The following SYT10 variants were observed in gnomAD, a reference collection of about 807,000 sequenced individuals.
SYT10 encodes the protein synaptotagmin-10.
In SYT10, 31 loss-of-function variants were observed where a neutral mutation model predicts 51.1. The observed-to-expected ratio is 0.61, with a 90% CI of 0.46 to 0.82. SYT10 has a LOEUF of 0.82. Among genes scored for constraint, SYT10 ranks in the 40% least tolerant of loss-of-function variants. SYT10 has a pLI of 0.00. For missense variants in SYT10, 603 were observed against 634.0 expected (o/e 0.95, Z 0.53); for synonymous variants, 233 against 225.9 (o/e 1.03, Z -0.28).
chr12:33,421,875 C>A (rs1257251799), intron 2 of SYT10, among the ~76,000 whole-genome samples: 3 of 151,910 alleles, frequency 2.0e-5, no homozygotes, highest in African/African-American at 7.3e-5. Context: ...TTATTCCACA[C>A]AAGGAAAGCA....
At chr12:33,388,364 T>C (rs1355338959) in intron 3 of SYT10, among the ~76,000 whole-genome samples, 2 of 152,164 alleles carry the variant, frequency 1.3e-5, no homozygotes, top group South Asian at 2.1e-4. Context: ...CCAAAATGCT[T>C]AAAATGTTTA....
At chr12:33,421,533 C>G (rs1203560403) in intron 2 of SYT10, among the ~76,000 whole-genome samples, 1 of 152,116 alleles carries the variant, frequency 6.6e-6, no homozygotes, top group East Asian at 1.9e-4. Flanking sequence ...TATCTCACCA[C>G]TCATCATCTC....
intron 3 of SYT10, among the ~76,000 whole-genome samples, chr12:33,389,018 G>A (rs1866181370): frequency 1.3e-5 from 2 of 152,202 alleles, no homozygotes; most frequent in Non-Finnish European, 2.9e-5. Context: ...AGTATTCCTG[G>A]AGGAAAGTAA....
chr12:33,391,389 G>GA (rs1478624145), intron 3 of SYT10, among the ~76,000 whole-genome samples: 2 of 152,130 alleles, frequency 1.3e-5, no homozygotes, highest in East Asian at 3.8e-4. Flanking sequence ...TGTAAATGAT[G>GA]AAAAATGAGT....
At chr12:33,426,869 A>G (rs947995319) in intron 1 of SYT10, among the ~76,000 whole-genome samples, 1 of 152,218 alleles carries the variant, frequency 6.6e-6, no homozygotes, top group African/African-American at 2.4e-5. Context: ...TGTTTGCTTC[A>G]TCTTTGATCT....
chr12:33,398,319 C>T (rs1281736726), intron 3 of SYT10, among the ~76,000 whole-genome samples: 4 of 152,052 alleles, frequency 2.6e-5, no homozygotes, highest in African/African-American at 9.7e-5. Context: ...CGAGACCATC[C>T]TGGCTAACAC....
intron 1 of SYT10, 64 bp from the exon 2 acceptor site, chr12:33,426,559 GA>G: frequency 7.7e-7 from 1 of 1,302,472 alleles, no homozygotes; most frequent in Non-Finnish European, 1.0e-6. Context: ...GAAATGGAAA[GA>G]ATATTTTACA....
intron 3 of SYT10, among the ~76,000 whole-genome samples, chr12:33,397,442 G>A (rs779548712): frequency 3.3e-5 from 5 of 152,194 alleles, no homozygotes; most frequent in Non-Finnish European, 7.3e-5. Flanking sequence ...CTCAGATGAA[G>A]GGCATAGACA....
intron 5 of SYT10, 52 bp from the exon 6 acceptor site, chr12:33,380,013 G>A: frequency 6.6e-7 from 1 of 1,521,540 alleles, no homozygotes; most frequent in Admixed American, 2.0e-5. Flanking sequence ...AAGATAAAGG[G>A]GGTTTCACAA....
chr12:33,397,271 A>G (rs1246834512), intron 3 of SYT10, among the ~76,000 whole-genome samples: 1 of 152,126 alleles, frequency 6.6e-6, no homozygotes, highest in East Asian at 1.9e-4. Flanking sequence ...CTATTCACAG[A>G]GATGTGAGCT....
intron 1 of SYT10, among the ~76,000 whole-genome samples, chr12:33,431,385 C>T (rs1280960559): frequency 1.7e-4 from 26 of 152,144 alleles, no homozygotes; most frequent in Non-Finnish European, 2.9e-5. Context: ...TACTGGGAAG[C>T]AACTAGTAGT....
At position 33,426,304 on chromosome 12, in the gene SYT10, C is replaced by A. The variant is rs376740096; in HGVS notation, c.343G>T (p.Glu115Ter). ...GCTGGCTTTTCATTTTCCTTAATTT[C>A]TTTTTTCTCTTCAGTCTCAAAAACT... ...TEVFETEEKKEIKENEKPAVK... is the reference protein window; with the variant it reads ...TEVFETEEKK The change falls in exon 2 of 7, where the codon GAA becomes TAA. Residue 115 changes from glutamate to a stop codon, truncating the protein, a stop_gained. Transcript: ENST00000228567. LOFTEE classifies it high-confidence loss of function. 8.7e-6 allele frequency: 14 copies of A among 1,613,640 alleles called. No homozygotes were observed. The highest frequency in any genetic ancestry group is 1.3e-5 in the African/African-American group (1 of 74,834).
At chr12:33,394,302 A>G (rs1399487117) in intron 3 of SYT10, among the ~76,000 whole-genome samples, 1 of 152,244 alleles carries the variant, frequency 6.6e-6, no homozygotes, top group Non-Finnish European at 1.5e-5. Flanking sequence ...TTAATGCAAT[A>G]TGTATCATGG....
intron 4 of SYT10, among the ~76,000 whole-genome samples, chr12:33,384,418 T>C (rs1361594249): frequency 6.6e-6 from 1 of 152,138 alleles, no homozygotes; most frequent in African/African-American, 2.4e-5. Context: ...CCAAATGTCA[T>C]CCTTTATTTC....
intron 3 of SYT10, among the ~76,000 whole-genome samples, chr12:33,385,985 T>G (rs1866153300): frequency 6.6e-6 from 1 of 152,168 alleles, no homozygotes; most frequent in Non-Finnish European, 1.5e-5. Flanking sequence ...CATTCCTGGT[T>G]TATACCTATT....
Position 33,406,577 on chromosome 12 carries a change from CG to C in SYT10, c.1077+211del, listed in dbSNP as rs111268745. 3.7e-3 allele frequency among the ~76,000 whole-genome samples: 556 copies of C among 152,244 alleles called. 1 individual carries two copies. Among genetic ancestry groups the C allele is most frequent in the African/African-American group, 0.012 (514 of 41,548 alleles). ...CAGTTCTGCTAATTTATAAGAGCTA[CG>C]TTTTTTTATTCACACAATCACTAGG... On this transcript the variant is annotated intron_variant, in intron 3 of 6. Coordinates refer to ENST00000228567, the MANE Select transcript of SYT10 (RefSeq NM_198992.4).
chr12:33,390,135 G>T (rs1326948802), intron 3 of SYT10, among the ~76,000 whole-genome samples: 1 of 152,168 alleles, frequency 6.6e-6, no homozygotes, highest in African/African-American at 2.4e-5. Context: ...GCCCTTTCAG[G>T]CTTTGTTTGC....
chr12:33,397,253 G>C (rs897355979), intron 3 of SYT10, among the ~76,000 whole-genome samples: 5 of 152,150 alleles, frequency 3.3e-5, no homozygotes, highest in African/African-American at 1.2e-4. Context: ...AGAGGGCTTC[G>C]TGAAGGGCTA....
In SYT10 at chr12:33,376,572, A is replaced by G; in HGVS notation, c.*258T>C. 2.1e-6 allele frequency: 1 copy of G among 484,840 alleles called. No individual in the cohort carries two copies. The highest frequency in any genetic ancestry group is 3.7e-6 in the Non-Finnish European group (1 of 269,634). The allele number at this position is 484,840 out of a possible 1,614,324, so 30.0% of individuals were successfully genotyped here. A position where few individuals can be genotyped will look rare whatever the true frequency, so the allele number is the denominator to read the frequency against. The stretch of plus-strand genomic sequence containing the variant: ...ATATGCAAAGAATTACAACATAGTA[A>G]AACACTCTTTGTGCTAACAGGCATT... On this transcript the variant is annotated 3_prime_UTR_variant, in exon 7 of 7. Coordinates refer to ENST00000228567, the MANE Select transcript of SYT10 (RefSeq NM_198992.4).
Sources: allele counts gnomAD v4.1 joint callset (sites outside exome capture counted in the v4.1 genomes callset), GRCh38; gene constraint gnomAD v4.1.1; transcripts MANE v1.5; gene names NCBI Gene and HGNC (gene_info 2026-07-23, HGNC 2026-07-21).